Variants in NOC3L observed in about 807,000 individuals in gnomAD.
The protein encoded by NOC3L is nucleolar complex protein 3 homolog.
Under a neutral mutation model 102.5 loss-of-function variants are expected in NOC3L, and 85 were observed. That is an observed-to-expected ratio of 0.83 (90% CI 0.70 to 0.99). NOC3L has a LOEUF of 0.99. Ranked by LOEUF, NOC3L falls within the 50% of genes least tolerant of loss-of-function variation. The probability of loss-of-function intolerance (pLI) is 0.00; values close to 1 mark genes in which losing one functional copy is unlikely to be tolerated. For missense variants in NOC3L, 878 were observed against 914.9 expected, an observed-to-expected ratio of 0.96 and a Z score of 0.52; for synonymous variants, 303 against 309.4, an observed-to-expected ratio of 0.98 and a Z score of 0.22.
At chr10:94,321,779 T>G in the NOC3L span, 14 of 703,804 alleles carry the variant, frequency 2.0e-5, no homozygotes, top group Non-Finnish European at 2.5e-5. Flanking sequence ...ACATAGTATA[T>G]GAGATATTAA....
the NOC3L span, chr10:94,322,172 C>G: frequency 5.1e-6 from 5 of 982,490 alleles, no homozygotes; most frequent in South Asian, 1.4e-5. Context: ...CAACAGGGAC[C>G]TCAAAGGGGA....
At chr10:94,324,412 C>CT in the NOC3L span, 1 of 1,614,148 alleles carries the variant, frequency 6.2e-7, no homozygotes, top group Non-Finnish European at 8.5e-7. Context: ...CGACTATGTG[C>CT]TTTTGGAAGA....
chr10:94,339,620 A>G, intron 17 of NOC3L, 119 bp downstream of exon 17: 1 of 824,672 alleles, frequency 1.2e-6, no homozygotes, highest in Admixed American at 3.1e-5. Context: ...TGATTTTGTT[A>G]CAAGTGTGAA....
intron 13 of NOC3L, among the ~76,000 whole-genome samples, chr10:94,343,744 A>G (rs1236158343): frequency 6.6e-6 from 1 of 152,248 alleles, no homozygotes; most frequent in Admixed American, 6.5e-5. Flanking sequence ...ACAACTCATT[A>G]ATGTTTAATA....
chr10:94,334,572 A>G (rs2054195595), intron 20 of NOC3L, 62 bp downstream of exon 20: 1 of 1,181,992 alleles, frequency 8.5e-7, no homozygotes, highest in Non-Finnish European at 1.2e-6. Flanking sequence ...AACTGGAGTT[A>G]GAGTTATTGA....
At chr10:94,358,278 T>C in intron 2 of NOC3L, 63 bp from the exon 3 acceptor site, 1 of 924,168 alleles carries the variant, frequency 1.1e-6, no homozygotes, top group Non-Finnish European at 1.7e-6. Context: ...TGTAGAACTC[T>C]CTGCATTTTG....
At chr10:94,359,326 T>C (rs892278188) in intron 2 of NOC3L, among the ~76,000 whole-genome samples, 6 of 152,102 alleles carry the variant, frequency 3.9e-5, no homozygotes, top group African/African-American at 1.2e-4. Flanking sequence ...CTTGGGAAGC[T>C]GAGGCAGGAG....
At position 94,362,674 on chromosome 10, in the gene NOC3L, C is replaced by A. The variant is rs146511645; in HGVS notation, c.9+156G>T. On this transcript the variant is annotated intron_variant, in intron 1 of 20. Transcript: ENST00000371361. ...AGTGGTGCGCGCACACAGTGGGTAACCAAGGATGAGCTCGGTGTAAGGAAT... is the reference window on the plus strand; with the variant it reads ...AGTGGTGCGCGCACACAGTGGGTAAACAAGGATGAGCTCGGTGTAAGGAAT... Among the ~76,000 whole-genome samples the A allele has an allele frequency of 2.9e-3, 447 of 152,290 alleles. 5 individuals carry two copies. The highest frequency in any genetic ancestry group is 0.01 in the African/African-American group (432 of 41,564).
intron 17 of NOC3L, among the ~76,000 whole-genome samples, chr10:94,339,087 T>C (rs2054253505): frequency 6.6e-6 from 1 of 152,026 alleles, no homozygotes; most frequent in Admixed American, 6.6e-5. Flanking sequence ...AAAAAAGAAA[T>C]AACCTATATC....
At position 94,338,648 on chromosome 10, in the gene NOC3L, T is replaced by A; in HGVS notation, c.2051A>T (p.Asn684Ile). 6.2e-7 allele frequency: 1 copy of A among 1,612,310 alleles called. No homozygotes were observed. Residue 684 changes from asparagine (N) to isoleucine (I), a missense_variant, in exon 18 of 21, where the codon AAT (asparagine) becomes ATT (isoleucine). By Grantham distance (149) the Asn-to-Ile change is moderately radical (BLOSUM62 -3). Coordinates refer to ENST00000371361, the MANE Select transcript of NOC3L (RefSeq NM_022451.11). ...TTCCCACAGAGCAGTGTTCTGAGCATTGCAGTACTCAGGCTCATCCAGTTC... is the reference window on the plus strand; with the variant it reads ...TTCCCACAGAGCAGTGTTCTGAGCAATGCAGTACTCAGGCTCATCCAGTTC... ...LPELDEPEYC[N>I]AQNTALWELH...
chr10:94,334,250 T>C lies in NOC3L; in HGVS notation c.2330A>G (p.Lys777Arg). 6.2e-7 allele frequency: 1 copy of C among 1,611,822 alleles called. No individual in the cohort carries two copies. The highest frequency in any genetic ancestry group is 1.1e-5 in the South Asian group (1 of 90,630). Residue 777 changes from lysine (K) to arginine (R), a missense_variant, in exon 21 of 21, where the codon AAA becomes AGA. Coordinates refer to ENST00000371361, the MANE Select transcript of NOC3L (RefSeq NM_022451.11). ...FLNEDLNQLI[K>R]RYSSEVATES... ...AGTAGCAACTTCACTGGAGTATCTT[T>C]TGATTAGCTGATTTAAATCTTCATT...
At chr10:94,361,480 T>C (rs2134016709) in intron 2 of NOC3L, 185 bp downstream of exon 2, 1 of 581,356 alleles carries the variant, frequency 1.7e-6, no homozygotes, top group Admixed American at 3.3e-5. Flanking sequence ...TATTGAAATG[T>C]TTTCTCATAC....
intron 14 of NOC3L, 138 bp from the exon 15 acceptor site, chr10:94,340,634 G>A (rs1359558142): frequency 1.4e-6 from 1 of 708,968 alleles, no homozygotes; most frequent in East Asian, 2.7e-5. Flanking sequence ...GGCTGAGGCA[G>A]GCAGATCATT....
chr10:94,325,893 A>G, the NOC3L span, among the ~76,000 whole-genome samples: 7 of 152,334 alleles, frequency 4.6e-5, no homozygotes, highest in Admixed American at 2.0e-4. Flanking sequence ...TTCTGCCTCA[A>G]TTAAAAAAAT....
At position 94,333,650 on chromosome 10, in the gene NOC3L, T is replaced by A. The variant is rs898368023; in HGVS notation, c.*527A>T. 1 of 152,182 alleles carries A rather than the reference T, an allele frequency of 6.6e-6. No individual in the cohort carries two copies. Among genetic ancestry groups the A allele is most frequent in the Admixed American group, 6.5e-5 (1 of 15,286 alleles). The allele number at this position is 152,182 out of a possible 1,614,324, so 9.4% of individuals were successfully genotyped here. On this transcript the variant is annotated 3_prime_UTR_variant, in exon 21 of 21. Coordinates refer to ENST00000371361, the MANE Select transcript of NOC3L (RefSeq NM_022451.11). ...AGGTGGATCATCCAGCAAAAGCCAA[T>A]GAACCTGAATACAAGCTATTTTTTT...
intron 13 of NOC3L, among the ~76,000 whole-genome samples, chr10:94,343,691 G>A (rs1042442112): frequency 7.2e-5 from 11 of 151,878 alleles, no homozygotes; most frequent in African/African-American, 1.9e-4. Context: ...AGACACAAGC[G>A]TAAAATATAA....
chr10:94,350,212 C>T lies in NOC3L; in HGVS notation c.1029G>A (p.Val343=). Residue 343 remains valine, a synonymous_variant, in exon 9 of 21, where the codon GTG becomes GTA. Transcript: ENST00000371361. ...KAYKGLAEVA[V]KSLCELLVAL... is the part of the protein sequence containing the mutation. ...CCACCAACAGCTCACACAAGCTCTTCACAGCGACTTCTGCCAGTCCTTTGT... is the reference window on the plus strand; with the variant it reads ...CCACCAACAGCTCACACAAGCTCTTTACAGCGACTTCTGCCAGTCCTTTGT... The T allele has an allele frequency of 3.1e-6, 5 of 1,614,182 alleles. No individual in the cohort carries two copies. The highest frequency in any genetic ancestry group is 4.2e-6 in the Non-Finnish European group (5 of 1,180,012).
intron 12 of NOC3L, 61 bp downstream of exon 12, chr10:94,344,792 A>C: frequency 7.5e-7 from 1 of 1,341,874 alleles, no homozygotes; most frequent in Non-Finnish European, 1.0e-6. Flanking sequence ...TGAAACAATA[A>C]ATTTCTAGTT....
At chr10:94,338,851 TAA>T in intron 17 of NOC3L, 115 bp from the exon 18 acceptor site, 1 of 832,164 alleles carries the variant, frequency 1.2e-6, no homozygotes, top group Non-Finnish European at 1.7e-6. Flanking sequence ...GAGCTTTGCA[TAA>T]AGTCTTTACA....
Sources: allele counts gnomAD v4.1 joint callset (sites outside exome capture counted in the v4.1 genomes callset), GRCh38; gene constraint gnomAD v4.1.1; transcripts MANE v1.5; gene names NCBI Gene and HGNC (gene_info 2026-07-23, HGNC 2026-07-21).